Variants in IGLL5 observed in about 807,000 individuals in gnomAD.
IGLL5 encodes immunoglobulin lambda like polypeptide 5.
A neutral mutation model predicts 20.9 loss-of-function variants in IGLL5; 30 were observed. The observed-to-expected ratio is 1.44, with a 90% confidence interval of 1.07 to 1.95. The LOEUF (loss-of-function observed/expected upper bound fraction) is 1.95, where lower values mean the gene tolerates loss of function less well. Among genes scored for constraint, IGLL5 ranks in the 30% most tolerant of loss-of-function variants. The probability of loss-of-function intolerance (pLI) is 0.00; values close to 1 mark genes in which losing one functional copy is unlikely to be tolerated. For missense variants in IGLL5, 475 were observed against 270.7 expected (o/e 1.75, Z -5.30); for synonymous variants, 203 against 117.3 (o/e 1.73, Z -4.72).
chr22:22,894,314 C>A (rs559213539), intron 2 of IGLL5, among the ~76,000 whole-genome samples: 1 of 151,356 alleles, frequency 6.6e-6, no homozygotes, highest in African/African-American at 2.4e-5. Flanking sequence ...ACAGAGGTCA[C>A]CCCAAGGGGA....
At chr22:22,893,935 AC>A in intron 2 of IGLL5, 117 bp downstream of exon 2, 1 of 775,386 alleles carries the variant, frequency 1.3e-6, no homozygotes, top group Non-Finnish European at 2.3e-6. Flanking sequence ...ACTGACCCTT[AC>A]CTTTCTCCAT....
Position 22,888,015 on chromosome 22 carries a change from T to A in IGLL5, c.-39T>A, listed in dbSNP as rs535311226. On this transcript the variant is annotated 5_prime_UTR_variant, in exon 1 of 3. Coordinates refer to ENST00000526893, the MANE Select transcript of IGLL5 (RefSeq NM_001178126.2). ...GCACCGTCCTCCAGGGAGCCCATGC[T>A]GCAAGTCGGGCCAGAGGTGCCCCTG... is the stretch of plus-strand genomic sequence containing the variant. 2.0e-6 allele frequency: 3 copies of A among 1,513,054 alleles called. No individual in the cohort carries two copies. The highest frequency in any genetic ancestry group is 2.8e-5 in the African/African-American group (2 of 72,010). The allele number at this position is 1,513,054 out of a possible 1,614,324, so 93.7% of individuals were successfully genotyped here.
rs191238778 is a variant in IGLL5 at position 22,895,207 on chromosome 22, C to T, written c.326-168C>T. ...TCCTAGGAAGGCACAGAGCTGTCTGCTCTCCACAGGGCATGAGTGGAAAGG... is the reference window on the plus strand; with the variant it reads ...TCCTAGGAAGGCACAGAGCTGTCTGTTCTCCACAGGGCATGAGTGGAAAGG... On this transcript the variant is annotated intron_variant, in intron 2 of 2. Coordinates refer to ENST00000526893, the MANE Select transcript of IGLL5 (RefSeq NM_001178126.2). 1.3e-5 allele frequency among the ~76,000 whole-genome samples: 2 copies of T among 151,446 alleles called. 1 individual carries two copies. Among genetic ancestry groups the T allele is most frequent in the Admixed American group, 1.3e-4 (2 of 15,148 alleles).
At chr22:22,894,407 A>G (rs2068027807) in intron 2 of IGLL5, among the ~76,000 whole-genome samples, 2 of 151,494 alleles carry the variant, frequency 1.3e-5, no homozygotes, top group South Asian at 2.1e-4. Context: ...ATGGGGACAC[A>G]GAGGGACGGG....
In IGLL5 at chr22:22,888,216, T is replaced by A. The variant is rs1277842552; in HGVS notation, c.163T>A (p.Ser55Thr). ...PQSGDPDPGA[S>T]VGSSRSSLRS... Reference sequence around the variant, plus strand: ...AAGCGGGGACCCAGACCCTGGAGCCTCAGTTGGAAGCAGCCGATCCAGCCT... The same window carrying A: ...AAGCGGGGACCCAGACCCTGGAGCCACAGTTGGAAGCAGCCGATCCAGCCT... The change falls in exon 1 of 3, where the codon TCA (serine) becomes ACA (threonine). Residue 55 changes from serine to threonine, a missense_variant. Ser to Thr is a moderately conservative substitution (Grantham distance 58). Transcript: ENST00000526893. The A allele has an allele frequency of 6.5e-7, 1 of 1,548,266 alleles. No homozygotes were observed. The highest frequency in any genetic ancestry group is 8.7e-7 in the Non-Finnish European group (1 of 1,146,458).
chr22:22,890,843 G>A (rs1008381303), intron 1 of IGLL5, among the ~76,000 whole-genome samples: 1 of 150,816 alleles, frequency 6.6e-6, no homozygotes, highest in African/African-American at 2.4e-5. Context: ...GTTTTATTGT[G>A]TATTTTATTA....
intron 1 of IGLL5, 38 bp downstream of exon 1, chr22:22,888,297 G>A (rs541902820): frequency 1.5e-5 from 23 of 1,535,446 alleles, no homozygotes; most frequent in African/African-American, 4.1e-5. Flanking sequence ...TGGGGGTCCT[G>A]CAGCAGAGCT....
intron 1 of IGLL5, among the ~76,000 whole-genome samples, chr22:22,890,797 GC>G (rs2067820262): frequency 6.6e-6 from 1 of 150,910 alleles, no homozygotes; most frequent in Non-Finnish European, 1.5e-5. Context: ...TTTATATTCT[GC>G]CCATCTGATG....
intron 1 of IGLL5, among the ~76,000 whole-genome samples, chr22:22,888,955 A>T (rs1313097954): frequency 6.6e-6 from 1 of 151,402 alleles, no homozygotes; most frequent in Admixed American, 6.6e-5. Flanking sequence ...GAGCAGCGTC[A>T]GAGGAGAGGA....
At chr22:22,894,222 G>A (rs560210696) in intron 2 of IGLL5, among the ~76,000 whole-genome samples, 3 of 151,364 alleles carry the variant, frequency 2.0e-5, no homozygotes, top group African/African-American at 7.3e-5. Flanking sequence ...ATAGTCTAGG[G>A]GAGCAGCCCC....
intron 2 of IGLL5, 104 bp from the exon 3 acceptor site, chr22:22,895,271 T>G: frequency 9.5e-7 from 1 of 1,047,364 alleles, no homozygotes; most frequent in South Asian, 1.4e-5. Context: ...GTGGACCGGA[T>G]GGCCACACTG....
intron 2 of IGLL5, among the ~76,000 whole-genome samples, chr22:22,894,464 C>T (rs563117370): frequency 6.6e-6 from 1 of 151,358 alleles, no homozygotes; most frequent in East Asian, 2.0e-4. Flanking sequence ...GGACAGTCAC[C>T]AGAAAGGAGA....
chr22:22,887,907 A>G lies in IGLL5; in HGVS notation c.-147A>G. 2 of 719,690 alleles carry G rather than the reference A, an allele frequency of 2.8e-6. No individual in the cohort carries two copies. The highest frequency in any genetic ancestry group is 5.0e-6 in the Non-Finnish European group (2 of 401,840). The allele number at this position is 719,690 out of a possible 1,614,324, so 44.6% of individuals were successfully genotyped here. On this transcript the variant is annotated 5_prime_UTR_variant, in exon 1 of 3. Transcript: ENST00000526893. ...CCCTGGAAGGGCCTGGGCTAGGGACAGGGACCAGAGCCAGTCCAGGGAGAG... is the reference window on the plus strand; with the variant it reads ...CCCTGGAAGGGCCTGGGCTAGGGACGGGGACCAGAGCCAGTCCAGGGAGAG...
chr22:22,888,614 G>T (rs544368915), intron 1 of IGLL5, among the ~76,000 whole-genome samples: 5 of 151,342 alleles, frequency 3.3e-5, no homozygotes, highest in Admixed American at 2.6e-4. Flanking sequence ...CCCACAGGGT[G>T]CCCAGGCCTG....
At chr22:22,893,634 C>A in intron 1 of IGLL5, 66 bp from the exon 2 acceptor site, 1 of 966,926 alleles carries the variant, frequency 1.0e-6, no homozygotes, top group Non-Finnish European at 1.6e-6. Flanking sequence ...GGGCTGGCCA[C>A]CCCCCTGCCT....
chr22:22,888,428 T>A (rs551055223), intron 1 of IGLL5, among the ~76,000 whole-genome samples, 169 bp downstream of exon 1: 1 of 151,410 alleles, frequency 6.6e-6, no homozygotes, highest in Non-Finnish European at 1.5e-5. Context: ...CACAGATTTG[T>A]TTGAATTACT....
chr22:22,893,909 C>G, intron 2 of IGLL5, 91 bp downstream of exon 2: 2 of 897,578 alleles, frequency 2.2e-6, no homozygotes, highest in South Asian at 2.7e-5. Context: ...TCCCCTCTGT[C>G]CTCCCAGCCT....
chr22:22,895,335 T>G lies in IGLL5; in HGVS notation c.326-40T>G, dbSNP rs748631132. ...AGAGGGGCTCCACAACACCCCGGTA[T>G]TCTGTCTGCCCTCTCTCACCCCCTT... On this transcript the variant is annotated intron_variant, in intron 2 of 2. Transcript: ENST00000526893. 1.9e-6 allele frequency: 3 copies of G among 1,575,292 alleles called. No individual in the cohort carries two copies. The South Asian group carries it at 3.4e-5, about 18-fold the overall frequency.
chr22:22,894,389 A>G (rs143384356), intron 2 of IGLL5, among the ~76,000 whole-genome samples: 4 of 151,434 alleles, frequency 2.6e-5, no homozygotes, highest in East Asian at 4.0e-4. Context: ...GTGCTGGGTC[A>G]TGAGGACATG....
Sources: allele counts gnomAD v4.1 joint callset (sites outside exome capture counted in the v4.1 genomes callset), GRCh38; gene constraint gnomAD v4.1.1; transcripts MANE v1.5; gene names NCBI Gene and HGNC (gene_info 2026-07-23, HGNC 2026-07-21).